Variants in ACSM3 observed in about 807,000 individuals in gnomAD.
ACSM3 encodes the protein acyl-CoA synthetase medium chain family member 3, also known as acyl-coenzyme A synthetase ACSM3, mitochondrial.
Under a neutral mutation model 74.1 loss-of-function variants are expected in ACSM3, and 61 were observed. That is an observed-to-expected ratio of 0.82 (90% CI 0.67 to 1.02). ACSM3 has a LOEUF of 1.02. Among genes scored for constraint, ACSM3 ranks in the 50% least tolerant of loss-of-function variants. The pLI is 0.00. For synonymous variants in ACSM3, 213 were observed against 241.5 expected, an observed-to-expected ratio of 0.88 and a Z score of 1.09; for missense variants, 660 against 697.0, an observed-to-expected ratio of 0.95 and a Z score of 0.60.
At chr16:20,779,479 A>G (rs766132607) in intron 4 of ACSM3, among the ~76,000 whole-genome samples, 1 of 151,798 alleles carries the variant, frequency 6.6e-6, no homozygotes. Context: ...TAGCTTTTCT[A>G]TATTTCTCAT....
intron 1 of ACSM3, among the ~76,000 whole-genome samples, chr16:20,705,860 T>C (rs1468863939): frequency 6.6e-6 from 1 of 152,180 alleles, no homozygotes; most frequent in Non-Finnish European, 1.5e-5. Flanking sequence ...TTATGTTCAA[T>C]ATGAACAATA....
At chr16:20,681,331 C>T (rs1311388435) in intron 1 of ACSM3, 1 of 152,136 alleles carries the variant, frequency 6.6e-6, no homozygotes, top group Non-Finnish European at 1.5e-5. Flanking sequence ...CCAACTGTTG[C>T]CTAGAAATTG....
intron 7 of ACSM3, among the ~76,000 whole-genome samples, chr16:20,782,524 G>C (rs2080375600): frequency 6.6e-6 from 1 of 152,182 alleles, no homozygotes; most frequent in South Asian, 2.1e-4. Flanking sequence ...GTCTCCAGAT[G>C]TAAGGGATCT....
rs2080726356 is a variant in ACSM3 at position 20,796,474 on chromosome 16, C to A, written c.1659C>A (p.Tyr553Ter). The stretch of plus-strand genomic sequence containing the variant: ...ATGTTAAAAAAACTACAGCACCTTA[C>A]AAATATCCCAGAAAGGTAGGCATCC... ...QEHVKKTTAP[Y>*]KYPRKVEFIQ... Residue 553 changes from tyrosine to a stop codon, truncating the protein, a stop_gained, in exon 13 of 14, where the codon TAC (tyrosine) becomes TAA (stop). Coordinates refer to ENST00000289416, the MANE Select transcript of ACSM3 (RefSeq NM_005622.4). LOFTEE classifies it high-confidence loss of function. 6.2e-7 allele frequency: 1 copy of A among 1,612,768 alleles called. No homozygotes were observed.
At chr16:20,764,878 AGCAG>A (rs1319150236) in intron 1 of ACSM3, 1 of 152,254 alleles carries the variant, frequency 6.6e-6, no homozygotes, top group Non-Finnish European at 1.5e-5. Flanking sequence ...CAAACCTAAG[AGCAG>A]CCAGTTTTCT....
chr16:20,784,705 C>CA, intron 7 of ACSM3: 1 of 174,490 alleles, frequency 5.7e-6, no homozygotes, highest in South Asian at 1.7e-4. Flanking sequence ...ATTATACCTC[C>CA]ACCACAAAAA....
intron 1 of ACSM3, chr16:20,738,815 C>T (rs1466768): frequency 0.54 from 812,337 of 1,501,252 alleles, 228,582 homozygotes; most frequent in Non-Finnish European, 0.59. Context: ...GCCCAAGAAG[C>T]CATTTTGTAA....
chr16:20,678,998 A>G (rs953825031), intron 1 of ACSM3, among the ~76,000 whole-genome samples: 3 of 152,194 alleles, frequency 2.0e-5, no homozygotes, highest in African/African-American at 7.2e-5. Flanking sequence ...GCAAAAATGC[A>G]TGGCTAGGTA....
intron 1 of ACSM3, chr16:20,697,880 G>A (rs2152350089): frequency 6.6e-6 from 1 of 152,392 alleles, no homozygotes; most frequent in East Asian, 1.9e-4. Flanking sequence ...AGGCCTCCAC[G>A]GAGAGATAAT....
chr16:20,729,140 A>G (rs1363238698), intron 1 of ACSM3: 3 of 544,444 alleles, frequency 5.5e-6, no homozygotes, highest in Non-Finnish European at 6.7e-6. Context: ...CTTTAGAAGT[A>G]CAATTTGTAA....
chr16:20,788,485 T>C (rs916933), intron 9 of ACSM3, among the ~76,000 whole-genome samples: 93,813 of 151,354 alleles, frequency 0.62, 30,140 homozygotes, highest in Non-Finnish European at 0.72. Flanking sequence ...CAGTACTTTT[T>C]CTGCATCCCC....
intron 1 of ACSM3, among the ~76,000 whole-genome samples, chr16:20,729,855 G>A (rs984684337): frequency 6.6e-6 from 1 of 151,776 alleles, no homozygotes; most frequent in African/African-American, 2.4e-5. Flanking sequence ...AAGGGTTCAT[G>A]TAAGGTTGGC....
chr16:20,755,291 G>C (rs1211942903), intron 2 of ACSM3, among the ~76,000 whole-genome samples: 1 of 152,160 alleles, frequency 6.6e-6, no homozygotes, highest in Non-Finnish European at 1.5e-5. Flanking sequence ...AAACCAGGAA[G>C]AGTTCAAATG....
intron 1 of ACSM3, among the ~76,000 whole-genome samples, chr16:20,740,321 G>A (rs923277045): frequency 1.3e-5 from 2 of 152,176 alleles, no homozygotes; most frequent in Non-Finnish European, 2.9e-5. Context: ...CTTCAGCCCC[G>A]GAGGTGGAAG....
At chr16:20,707,245 A>G (rs989006364) in intron 1 of ACSM3, among the ~76,000 whole-genome samples, 1 of 152,214 alleles carries the variant, frequency 6.6e-6, no homozygotes, top group African/African-American at 2.4e-5. Context: ...GATCGAGAGC[A>G]TGGCTGCCTG....
chr16:20,780,883 G>T, intron 5 of ACSM3, 26 bp downstream of exon 5: 1 of 1,613,918 alleles, frequency 6.2e-7, no homozygotes. Flanking sequence ...AGTGCAGCTT[G>T]AAGTGTCAAA....
intron 1 of ACSM3, among the ~76,000 whole-genome samples, chr16:20,744,475 A>G (rs2079949747): frequency 6.6e-6 from 1 of 152,124 alleles, no homozygotes; most frequent in South Asian, 2.1e-4. Context: ...ACGTCCACTT[A>G]CTGGGTTCAA....
chr16:20,741,477 G>GCCGGGGGGGGGGGCGCCCCCCCCCCCCCC, intron 1 of ACSM3: 1 of 1,378,122 alleles, frequency 7.3e-7, no homozygotes, highest in Non-Finnish European at 9.6e-7. Flanking sequence ...AGGCCTGGCA[G>GCCGGGGGGGGGGGCGCCCCCCCCCCCCCC]CCGGCCCGCC....
At chr16:20,760,814 G>A (rs2080070844), upstream of ACSM3, among the ~76,000 whole-genome samples, 1 of 152,156 alleles carries the variant, frequency 6.6e-6, no homozygotes, top group South Asian at 2.1e-4. Context: ...TCTTTACTAT[G>A]TATTTCCAGA....
Sources: allele counts gnomAD v4.1 joint callset (sites outside exome capture counted in the v4.1 genomes callset), GRCh38; gene constraint gnomAD v4.1.1; transcripts MANE v1.5; gene names NCBI Gene and HGNC (gene_info 2026-07-23, HGNC 2026-07-21).